Variants in KCNQ1 observed in about 807,000 individuals in gnomAD.
KCNQ1 encodes the protein potassium voltage-gated channel subfamily KQT member 1.
Under a neutral mutation model 72.4 loss-of-function variants are expected in KCNQ1, and 49 were observed. The observed-to-expected ratio is 0.68, with a 90% CI of 0.54 to 0.86. The LOEUF is 0.86. Among genes scored for constraint, KCNQ1 ranks in the 40% least tolerant of loss-of-function variants. The pLI is 0.00. For synonymous variants in KCNQ1, 450 were observed against 412.6 expected (o/e 1.09, Z -1.10); for missense variants, 790 against 945.1 (o/e 0.84, Z 2.15).
rs231917 is a variant in KCNQ1 at position 2,723,877 on chromosome 11, C to T, written c.1515-44967C>T. Among the ~76,000 whole-genome samples the T allele has an allele frequency of 0.27, 40,479 of 152,090 alleles. 5,777 individuals carry two copies. The highest frequency in any genetic ancestry group is 0.34 in the East Asian group (1,761 of 5,166). On this transcript the variant is annotated intron_variant, in intron 11 of 15. Transcript: ENST00000155840. This position sits in a 1 kb window ranked among gnomAD's most constrained non-coding sequence, Gnocchi z 4.2. ...AGCAAGTCACGGATTCCAGGGGGAC[C>T]TCGGGACGAGGAAGTCACACGTTGG...
intron 10 of KCNQ1, among the ~76,000 whole-genome samples, chr11:2,606,863 A>G (rs1393129212): frequency 7.0e-6 from 1 of 142,370 alleles, no homozygotes; most frequent in Non-Finnish European, 1.5e-5. Context: ...ACATTCAGTC[A>G]TTCACTGTTA....
In KCNQ1 at chr11:2,663,017, G is replaced by C. The variant is rs982806457; in HGVS notation, c.1514+936G>C. Reference sequence around the variant, plus strand: ...GGCCTTGCAAATCACTGAGGAAATCGGGACCCATGGTGCTGGGGGCTGCAG... The same window carrying C: ...GGCCTTGCAAATCACTGAGGAAATCCGGACCCATGGTGCTGGGGGCTGCAG... On this transcript the variant is annotated intron_variant, in intron 11 of 15. Transcript: ENST00000155840. This position sits in a 1 kb window ranked among gnomAD's most constrained non-coding sequence, Gnocchi z 5.2. 7.5e-6 allele frequency: 3 copies of C among 398,734 alleles called. No individual in the cohort carries two copies. In the Admixed American group the frequency reaches 1.3e-4, roughly 18 times the overall value. 24.7% of individuals were successfully genotyped at this position (398,734 alleles called of 1,614,324 possible).
At position 2,811,232 on chromosome 11, in the gene KCNQ1, G is replaced by A. The variant is rs190717147; in HGVS notation, c.1794+33195G>A. ...GCCCCTGGTGGGAATCCGTCCCCAC[G>A]ACCCCTGTCCGGCTTCCCTGGCTCA... On this transcript the variant is annotated intron_variant, in intron 15 of 15. Transcript: ENST00000155840. Among the ~76,000 whole-genome samples, 416 of 152,276 alleles carry A rather than the reference G, an allele frequency of 2.7e-3. 3 individuals are homozygous for A. The highest frequency in any genetic ancestry group is 9.4e-3 in the African/African-American group (390 of 41,552).
At chr11:2,719,125 T>C (rs1301562331) in intron 11 of KCNQ1, among the ~76,000 whole-genome samples, 4 of 152,008 alleles carry the variant, frequency 2.6e-5, no homozygotes, top group Non-Finnish European at 5.9e-5. Context: ...AGCCGTGTGC[T>C]CTCGGGTGCA....
chr11:2,789,189 C>T (rs1846971083), intron 15 of KCNQ1, among the ~76,000 whole-genome samples: 1 of 152,142 alleles, frequency 6.6e-6, no homozygotes, highest in South Asian at 2.1e-4. Flanking sequence ...GAATGCACAC[C>T]CCTAAAGTCA....
chr11:2,778,256 T>C (rs1436872889), intron 15 of KCNQ1, among the ~76,000 whole-genome samples: 2 of 152,224 alleles, frequency 1.3e-5, no homozygotes, highest in Admixed American at 6.5e-5. Flanking sequence ...CCAGGCTGGT[T>C]TCTCATCCTC....
chr11:2,541,041 G>C lies in KCNQ1; in HGVS notation c.477+13023G>C, dbSNP rs1847814510. On this transcript the variant is annotated intron_variant, in intron 2 of 15. Transcript: ENST00000155840. The surrounding 1 kb of genome is among the most constrained non-coding windows in gnomAD (Gnocchi z 4.8). ...CGTATGCACACATAGGTACCCATGT[G>C]GACACACTCACGTGTGTGTGCACGT... 6.6e-6 allele frequency among the ~76,000 whole-genome samples: 1 copy of C among 152,242 alleles called. No homozygotes were observed. Among genetic ancestry groups the C allele is most frequent in the Admixed American group, 6.5e-5 (1 of 15,288 alleles).
In KCNQ1 at chr11:2,711,782, A is replaced by AAATTTGAG. The variant is rs1380218453; in HGVS notation, c.1514+49702_1514+49703insATTTGAGA. ...AGTTTTATTTTTCAAATTTCCTTTC[A>AAATTTGAG]ACTCGAGGGTCTCAAATCCACTCAG... On this transcript the variant is annotated intron_variant, in intron 11 of 15. Transcript: ENST00000155840. The surrounding 1 kb of genome is among the most constrained non-coding windows in gnomAD (Gnocchi z 5.4). Among the ~76,000 whole-genome samples the AAATTTGAG allele has an allele frequency of 6.6e-6, 1 of 152,186 alleles. No individual in the cohort carries two copies. Among genetic ancestry groups the AAATTTGAG allele is most frequent in the African/African-American group, 2.4e-5 (1 of 41,450 alleles).
rs1486918692 is a variant in KCNQ1, at chr11:2,682,592, T to C, written c.1514+20511T>C. ...TGGGGTTCAGGCAACCCAAGGCTGGTCTGGAGAGTGTAAGGCTTGAGAGCT... is the reference window on the plus strand; with the variant it reads ...TGGGGTTCAGGCAACCCAAGGCTGGCCTGGAGAGTGTAAGGCTTGAGAGCT... On this transcript the variant is annotated intron_variant, in intron 11 of 15. Coordinates refer to ENST00000155840, the MANE Select transcript of KCNQ1 (RefSeq NM_000218.3). The surrounding 1 kb of genome is among the most constrained non-coding windows in gnomAD (Gnocchi z 5.8). 7.5e-6 allele frequency: 3 copies of C among 398,400 alleles called. No individual in the cohort carries two copies. Among genetic ancestry groups the C allele is most frequent in the Non-Finnish European group, 1.3e-5 (3 of 226,086 alleles). 24.7% of individuals were successfully genotyped at this position (398,400 alleles called of 1,614,324 possible).
At position 2,669,836 on chromosome 11, in the gene KCNQ1, C is replaced by A; in HGVS notation, c.1514+7755C>A. 2.5e-6 allele frequency: 1 copy of A among 398,546 alleles called. No homozygotes were observed. Among genetic ancestry groups the A allele is most frequent in the Non-Finnish European group, 4.4e-6 (1 of 226,088 alleles). The allele number at this position is 398,546 out of a possible 1,614,324, so 24.7% of individuals were successfully genotyped here. ...TTGAGACTGCCAGGTCATGAGTTAC[C>A]ATGGGATACAAATGGGGTCACAACA... On this transcript the variant is annotated intron_variant, in intron 11 of 15. Coordinates refer to ENST00000155840, the MANE Select transcript of KCNQ1 (RefSeq NM_000218.3). This position sits in a 1 kb window ranked among gnomAD's most constrained non-coding sequence, Gnocchi z 5.6.
chr11:2,683,862 G>A lies in KCNQ1; in HGVS notation c.1514+21781G>A, dbSNP rs1564857208. 7.5e-6 allele frequency: 3 copies of A among 398,300 alleles called. No individual in the cohort carries two copies. The highest frequency in any genetic ancestry group is 1.3e-5 in the Non-Finnish European group (3 of 226,072). 24.7% of individuals were successfully genotyped at this position (398,300 alleles called of 1,614,324 possible). On this transcript the variant is annotated intron_variant, in intron 11 of 15. Coordinates refer to ENST00000155840, the MANE Select transcript of KCNQ1 (RefSeq NM_000218.3). The surrounding 1 kb of genome is among the most constrained non-coding windows in gnomAD (Gnocchi z 4.7). ...TCCCCTCCCTGGCCCCACACTCACT[G>A]CTACATCTCTCTTCCAAATCATAAA...
chr11:2,653,129 G>A lies in KCNQ1; in HGVS notation c.1394-8832G>A. On this transcript the variant is annotated intron_variant, in intron 10 of 15. Transcript: ENST00000155840. This position sits in a 1 kb window ranked among gnomAD's most constrained non-coding sequence, Gnocchi z 5.3. ...TGAAGGTTTGGGGAGATGAGGACTT[G>A]CATCACAGCAGTAGAAAGCCAATGT... 2 of 398,732 alleles carry A rather than the reference G, an allele frequency of 5.0e-6. No individual in the cohort carries two copies. The highest frequency in any genetic ancestry group is 7.1e-5 in the East Asian group (2 of 28,076). The allele number at this position is 398,732 out of a possible 1,614,324, so 24.7% of individuals were successfully genotyped here.
intron 2 of KCNQ1, among the ~76,000 whole-genome samples, chr11:2,556,224 G>A (rs1376834150): frequency 6.6e-6 from 1 of 152,180 alleles, no homozygotes; most frequent in Non-Finnish European, 1.5e-5. Context: ...CAGTTGTATG[G>A]GAATAGGGGC....
intron 10 of KCNQ1, chr11:2,629,765 G>A (rs1245816210): frequency 2.5e-6 from 1 of 398,336 alleles, no homozygotes; most frequent in Non-Finnish European, 4.4e-6. Context: ...ACTTCTGAAT[G>A]CTGATTTTGT....
chr11:2,706,521 CA>C (rs1193115333), intron 11 of KCNQ1, among the ~76,000 whole-genome samples: 1 of 152,254 alleles, frequency 6.6e-6, no homozygotes, highest in Admixed American at 6.5e-5. Context: ...CCACAGAAAC[CA>C]TGTGGGATGA....
chr11:2,692,416 A>C, intron 11 of KCNQ1: 1 of 398,722 alleles, frequency 2.5e-6, no homozygotes, highest in Non-Finnish European at 4.4e-6. Context: ...CTCAGTGGAC[A>C]GACATCCTTT....
rs961667826 is a variant in KCNQ1 at position 2,617,235 on chromosome 11, C to A, written c.1393+28381C>A. 1 of 398,252 alleles carries A rather than the reference C, an allele frequency of 2.5e-6. No homozygotes were observed. Among genetic ancestry groups the A allele is most frequent in the African/African-American group, 2.1e-5 (1 of 48,592 alleles). 24.7% of individuals were successfully genotyped at this position (398,252 alleles called of 1,614,324 possible). ...CCTACATCTTTCCATTTTCTTCCCC[C>A]ACACCTTGCCCATGGTAACCACTAG... On this transcript the variant is annotated intron_variant, in intron 10 of 15. Coordinates refer to ENST00000155840, the MANE Select transcript of KCNQ1 (RefSeq NM_000218.3). This position sits in a 1 kb window ranked among gnomAD's most constrained non-coding sequence, Gnocchi z 4.6.
At chr11:2,629,721 G>T (rs972900506) in intron 10 of KCNQ1, 3 of 398,378 alleles carry the variant, frequency 7.5e-6, no homozygotes, top group Non-Finnish European at 1.3e-5. Context: ...TTGTTTTTCA[G>T]GTTGTTTATT....
rs540573196 is a variant in KCNQ1, at chr11:2,759,488, C to T, written c.1515-9356C>T. The stretch of plus-strand genomic sequence containing the variant: ...GGCCACTTAGAGGGTCCCCCAAGCT[C>T]GGGCCTTTGAAGACAGCTCTGTGTC... On this transcript the variant is annotated intron_variant, in intron 11 of 15. Coordinates refer to ENST00000155840, the MANE Select transcript of KCNQ1 (RefSeq NM_000218.3). The surrounding 1 kb of genome is among the most constrained non-coding windows in gnomAD (Gnocchi z 4.4). 6.6e-6 allele frequency among the ~76,000 whole-genome samples: 1 copy of T among 152,200 alleles called. No homozygotes were observed. The highest frequency in any genetic ancestry group is 1.5e-5 in the Non-Finnish European group (1 of 68,020).
Sources: allele counts gnomAD v4.1 joint callset (sites outside exome capture counted in the v4.1 genomes callset), GRCh38; gene constraint gnomAD v4.1.1; non-coding constraint Gnocchi (gnomAD v3.1); transcripts MANE v1.5; gene names NCBI Gene and HGNC (gene_info 2026-07-23, HGNC 2026-07-21).